The following ANP32D variants were observed in gnomAD, a reference collection of about 807,000 sequenced individuals.
ANP32D encodes acidic leucine-rich nuclear phosphoprotein 32 family member D.
In ANP32D, 6 loss-of-function variants were observed where a neutral mutation model predicts 7.8. The ratio of observed to expected loss-of-function variants is 0.77; its 90% CI spans 0.42 to 1.52. The LOEUF (loss-of-function observed/expected upper bound fraction) is 1.52. Ranked by LOEUF, ANP32D falls within the 40% of genes most tolerant of loss-of-function variation. ANP32D has a pLI of 0.01. For missense variants in ANP32D, 163 were observed against 145.9 expected (o/e 1.12, Z -0.60); for synonymous variants, 69 against 59.7 (o/e 1.16, Z -0.72).
Position 48,472,577 on chromosome 12 carries a change from G to C in ANP32D, c.-88G>C. The C allele has an allele frequency of 6.6e-7, 1 of 1,516,232 alleles. No homozygotes were observed. The highest frequency in any genetic ancestry group is 9.0e-7 in the Non-Finnish European group (1 of 1,113,062). 93.9% of individuals were successfully genotyped at this position (1,516,232 alleles called of 1,614,324 possible). A position where few individuals can be genotyped will look rare whatever the true frequency, so the allele number is the denominator to read the frequency against. ...ACTTTCGGAGAACCCAGCAGAGCTGGTTGAGCTTTCAAATGTGCGGTTGTG... is the reference window on the plus strand; with the variant it reads ...ACTTTCGGAGAACCCAGCAGAGCTGCTTGAGCTTTCAAATGTGCGGTTGTG... On this transcript the variant is annotated 5_prime_UTR_variant, in exon 1 of 1. Transcript: ENST00000266594.
At chr12:48,472,755 G>T in the ANP32D span, 2 of 1,614,164 alleles carry the variant, frequency 1.2e-6, no homozygotes, top group Non-Finnish European at 8.5e-7. Flanking sequence ...TCAGTCAAAT[G>T]AAGGCAAATT....
rs1954095067 is a variant in ANP32D, at chr12:48,473,126, G to A, written c.*66G>A. ...ACGGCTGTGACCCGGATGACAAGGA[G>A]GCCCCTAACTCGGATGGTGAGGGCT... On this transcript the variant is annotated 3_prime_UTR_variant, in exon 1 of 1. Transcript: ENST00000266594. 9 of 1,610,610 alleles carry A rather than the reference G, an allele frequency of 5.6e-6. No individual in the cohort carries two copies. In the Admixed American group the frequency reaches 1.5e-4, roughly 27 times the overall value.
rs750090213 is a variant in ANP32D, at chr12:48,472,771, G to C, written c.107G>C (p.Gly36Ala). 6.2e-7 allele frequency: 1 copy of C among 1,614,032 alleles called. No individual in the cohort carries two copies. The highest frequency in any genetic ancestry group is 8.5e-7 in the Non-Finnish European group (1 of 1,180,038). The stretch of plus-strand genomic sequence containing the variant: ...CAGTCAAATGAAGGCAAATTGGAAG[G>C]CCTCACAGATGAATTTGAAGAACTG... ...NSQSNEGKLEGLTDEFEELEL... is the reference protein window; with the variant it reads ...NSQSNEGKLEALTDEFEELEL... The change falls in exon 1 of 1, where the codon GGC becomes GCC. Residue 36 changes from glycine (G) to alanine (A), a missense_variant. Gly to Ala is a moderately conservative substitution (Grantham distance 60). Coordinates refer to ENST00000266594, the MANE Select transcript of ANP32D (RefSeq NM_012404.3).
At chr12:48,472,846 C>CA in the ANP32D span, 3 of 1,613,940 alleles carry the variant, frequency 1.9e-6, no homozygotes, top group South Asian at 3.3e-5. Context: ...GCAAACTTGC[C>CA]AAAGTTAAAC....
At position 48,473,066 on chromosome 12, in the gene ANP32D, G is replaced by T; in HGVS notation, c.*6G>T. The T allele has an allele frequency of 6.2e-7, 1 of 1,614,052 alleles. No individual in the cohort carries two copies. ...CCAACCTGAACAACTACTGAGAAAAGATGTTCAAGCTCCTCCTGCAACTCA... is the reference window on the plus strand; with the variant it reads ...CCAACCTGAACAACTACTGAGAAAATATGTTCAAGCTCCTCCTGCAACTCA... On this transcript the variant is annotated 3_prime_UTR_variant, in exon 1 of 1. Transcript: ENST00000266594.
rs772690730 is a variant in ANP32D, at chr12:48,472,927, C to T, written c.263C>T (p.Pro88Leu). Residue 88 changes from proline to leucine, a missense_variant, in exon 1 of 1, where the codon CCA becomes CTA. Physicochemically the swap from Pro to Leu is moderately conservative, Grantham distance 98 (BLOSUM62 -3). Coordinates refer to ENST00000266594, the MANE Select transcript of ANP32D (RefSeq NM_012404.3). ...CTAGAAGTATTGGCAGAAAAGTGTC[C>T]AAACCTCATACATCTAAATTTAAGT... is the stretch of plus-strand genomic sequence containing the variant. Reference protein sequence around the residue: ...VGLEVLAEKCPNLIHLNLSGN... With the variant: ...VGLEVLAEKCLNLIHLNLSGN... The T allele has an allele frequency of 6.2e-7, 1 of 1,614,008 alleles. No individual in the cohort carries two copies. The highest frequency in any genetic ancestry group is 1.3e-5 in the African/African-American group (1 of 74,888).
Position 48,473,175 on chromosome 12 carries a change from G to A in ANP32D, c.*115G>A, listed in dbSNP as rs943345874. On this transcript the variant is annotated 3_prime_UTR_variant, in exon 1 of 1. Coordinates refer to ENST00000266594, the MANE Select transcript of ANP32D (RefSeq NM_012404.3). ...CTTTGTGGAGTGCCTGGATGACAAG[G>A]AGGAGGATGAGGATGAGGAGGAGTA... 4.2e-6 allele frequency: 6 copies of A among 1,445,442 alleles called. No homozygotes were observed. Among genetic ancestry groups the A allele is most frequent in the Non-Finnish European group, 5.8e-6 (6 of 1,029,094 alleles). 89.5% of individuals were successfully genotyped at this position (1,445,442 alleles called of 1,614,324 possible).
In ANP32D at chr12:48,473,253, G is replaced by A; in HGVS notation, c.*193G>A. 1 of 1,093,618 alleles carries A rather than the reference G, an allele frequency of 9.1e-7. No individual in the cohort carries two copies. The highest frequency in any genetic ancestry group is 1.4e-6 in the Non-Finnish European group (1 of 723,204). The allele number at this position is 1,093,618 out of a possible 1,614,324, so 67.7% of individuals were successfully genotyped here. On this transcript the variant is annotated 3_prime_UTR_variant, in exon 1 of 1. Coordinates refer to ENST00000266594, the MANE Select transcript of ANP32D (RefSeq NM_012404.3). ...TGAGGAGGACGAGGATGAGGAGGAG[G>A]AACGTGAAGAGGAGGACGTGAGTGG...
Position 48,472,986 on chromosome 12 carries a change from C to A in ANP32D, c.322C>A (p.Pro108Thr), listed in dbSNP as rs1954092588. ...AATTAAAGACCTCAGCACAATAGAG[C>A]CCCTGAAAAAGTTAGAAAACCTCGA... ...NKIKDLSTIEPLKKLENLESL... is the reference protein window; with the variant it reads ...NKIKDLSTIETLKKLENLESL... Residue 108 changes from proline (P) to threonine (T), a missense_variant, in exon 1 of 1, where the codon CCC (proline) becomes ACC (threonine). Physicochemically the swap from Pro to Thr is conservative, Grantham distance 38. Transcript: ENST00000266594. 5 of 1,613,978 alleles carry A rather than the reference C, an allele frequency of 3.1e-6. No homozygotes were observed. The highest frequency in any genetic ancestry group is 2.2e-5 in the East Asian group (1 of 44,896).
At position 48,472,723 on chromosome 12, in the gene ANP32D, A is replaced by C; in HGVS notation, c.59A>C (p.Lys20Thr). ...CGGAACAGGACGCCCTCCGATGTGA[A>C]AGAACTTTTCCTGGACAACAGTCAG... ...ELRNRTPSDV[K>T]ELFLDNSQSN... Residue 20 changes from lysine (K) to threonine (T), a missense_variant, in exon 1 of 1, where the codon AAA becomes ACA. Lys to Thr is a moderately conservative substitution (Grantham distance 78). Transcript: ENST00000266594. 1 of 1,614,210 alleles carries C rather than the reference A, an allele frequency of 6.2e-7. No individual in the cohort carries two copies. Among genetic ancestry groups the C allele is most frequent in the Non-Finnish European group, 8.5e-7 (1 of 1,180,026 alleles).
In ANP32D at chr12:48,473,124, G is replaced by A; in HGVS notation, c.*64G>A. Reference sequence around the variant, plus strand: ...CAACGGCTGTGACCCGGATGACAAGGAGGCCCCTAACTCGGATGGTGAGGG... The same window carrying A: ...CAACGGCTGTGACCCGGATGACAAGAAGGCCCCTAACTCGGATGGTGAGGG... On this transcript the variant is annotated 3_prime_UTR_variant, in exon 1 of 1. Transcript: ENST00000266594. 3.1e-6 allele frequency: 5 copies of A among 1,611,568 alleles called. No homozygotes were observed. The highest frequency in any genetic ancestry group is 4.2e-6 in the Non-Finnish European group (5 of 1,178,260).
chr12:48,472,772 C>G lies in ANP32D; in HGVS notation c.108C>G (p.Gly36=), dbSNP rs149297885. 6.2e-7 allele frequency: 1 copy of G among 1,614,118 alleles called. No individual in the cohort carries two copies. The highest frequency in any genetic ancestry group is 1.1e-5 in the South Asian group (1 of 91,080). Residue 36 remains glycine (G), a synonymous_variant, in exon 1 of 1, where the codon GGC becomes GGG. Coordinates refer to ENST00000266594, the MANE Select transcript of ANP32D (RefSeq NM_012404.3). ...AGTCAAATGAAGGCAAATTGGAAGG[C>G]CTCACAGATGAATTTGAAGAACTGG... ...NSQSNEGKLE[G]LTDEFEELEL...
chr12:48,473,405 C>A lies in ANP32D; in HGVS notation c.*345C>A. ...AAGAAACTGAAGATGAGGGAGAAGA[C>A]GATGCCTAAGTGGAATAATCTATTT... On this transcript the variant is annotated 3_prime_UTR_variant, in exon 1 of 1. Transcript: ENST00000266594. 1 of 792,942 alleles carries A rather than the reference C, an allele frequency of 1.3e-6. No individual in the cohort carries two copies. The highest frequency in any genetic ancestry group is 2.1e-6 in the Non-Finnish European group (1 of 477,702). The allele number at this position is 792,942 out of a possible 1,614,324, so 49.1% of individuals were successfully genotyped here. A position where few individuals can be genotyped will look rare whatever the true frequency, so the allele number is the denominator to read the frequency against.
At position 48,472,639 on chromosome 12, in the gene ANP32D, G is replaced by C. The variant is rs374647516; in HGVS notation, c.-26G>C. The C allele has an allele frequency of 6.8e-6, 11 of 1,613,442 alleles. No individual in the cohort carries two copies. Among genetic ancestry groups the C allele is most frequent in the Non-Finnish European group, 9.3e-6 (11 of 1,179,740 alleles). ...TATTGGTTGAATTCCGCTGGCTCAG[G>C]AGCCTCTGCAGAGAAAGCGTGAGAG... On this transcript the variant is annotated 5_prime_UTR_variant, in exon 1 of 1. Coordinates refer to ENST00000266594, the MANE Select transcript of ANP32D (RefSeq NM_012404.3).
rs778935683 is a variant in ANP32D, at chr12:48,472,782, G to A, written c.118G>A (p.Glu40Lys). ...AGGCAAATTGGAAGGCCTCACAGAT[G>A]AATTTGAAGAACTGGAATTATTAAA... ...NEGKLEGLTD[E>K]FEELELLNTI... is the part of the protein sequence containing the mutation. Residue 40 changes from glutamate (E) to lysine (K), a missense_variant, in exon 1 of 1, where the codon GAA becomes AAA. Coordinates refer to ENST00000266594, the MANE Select transcript of ANP32D (RefSeq NM_012404.3). The A allele has an allele frequency of 2.5e-6, 4 of 1,614,064 alleles. No individual in the cohort carries two copies. The highest frequency in any genetic ancestry group is 3.4e-6 in the Non-Finnish European group (4 of 1,180,044).
At position 48,472,844 on chromosome 12, in the gene ANP32D, G is replaced by C; in HGVS notation, c.180G>C (p.Leu60Phe). ...INIGLTSIAN[L>F]PKLNKLKKLE... ...TAGGCCTCACCTCAATTGCAAACTTGCCAAAGTTAAACAAACTTAAGAAGC... is the reference window on the plus strand; with the variant it reads ...TAGGCCTCACCTCAATTGCAAACTTCCCAAAGTTAAACAAACTTAAGAAGC... Residue 60 changes from leucine to phenylalanine, a missense_variant, in exon 1 of 1, where the codon TTG becomes TTC. Transcript: ENST00000266594. The C allele has an allele frequency of 1.2e-6, 2 of 1,613,988 alleles. No individual in the cohort carries two copies. The highest frequency in any genetic ancestry group is 2.2e-5 in the East Asian group (1 of 44,892).
chr12:48,473,617 A>T lies in ANP32D; in HGVS notation c.*557A>T. The T allele has an allele frequency of 3.9e-6, 1 of 257,394 alleles. No homozygotes were observed. The highest frequency in any genetic ancestry group is 7.6e-6 in the Non-Finnish European group (1 of 131,116). 15.9% of individuals were successfully genotyped at this position (257,394 alleles called of 1,614,324 possible). On this transcript the variant is annotated 3_prime_UTR_variant, in exon 1 of 1. Transcript: ENST00000266594. The stretch of plus-strand genomic sequence containing the variant: ...GGAATAAAATACTATTTTTACTGCC[A>T]CTCTTTATTTTTTCCCCCTACTTTT...
rs778286922 is a variant in ANP32D at position 48,472,997 on chromosome 12, G to C, written c.333G>C (p.Lys111Asn). 1.2e-6 allele frequency: 2 copies of C among 1,614,120 alleles called. No homozygotes were observed. The highest frequency in any genetic ancestry group is 2.2e-5 in the East Asian group (1 of 44,888). Residue 111 changes from lysine to asparagine, a missense_variant, in exon 1 of 1, where the codon AAG (lysine) becomes AAC (asparagine). Physicochemically the swap from Lys to Asn is moderately conservative, Grantham distance 94 (BLOSUM62 0). Transcript: ENST00000266594. ...TCAGCACAATAGAGCCCCTGAAAAAGTTAGAAAACCTCGAGAGCTTAGACC... is the reference window on the plus strand; with the variant it reads ...TCAGCACAATAGAGCCCCTGAAAAACTTAGAAAACCTCGAGAGCTTAGACC... ...KDLSTIEPLK[K>N]LENLESLDLF...
Position 48,472,575 on chromosome 12 carries a change from T to C in ANP32D, c.-90T>C. Reference sequence around the variant, plus strand: ...TTACTTTCGGAGAACCCAGCAGAGCTGGTTGAGCTTTCAAATGTGCGGTTG... The same window carrying C: ...TTACTTTCGGAGAACCCAGCAGAGCCGGTTGAGCTTTCAAATGTGCGGTTG... On this transcript the variant is annotated 5_prime_UTR_variant, in exon 1 of 1. Transcript: ENST00000266594. 6.7e-7 allele frequency: 1 copy of C among 1,489,428 alleles called. No individual in the cohort carries two copies. The highest frequency in any genetic ancestry group is 9.2e-7 in the Non-Finnish European group (1 of 1,090,842). 92.3% of individuals were successfully genotyped at this position (1,489,428 alleles called of 1,614,324 possible).
Sources: gnomAD v4.1 joint callset for allele counts on GRCh38, gnomAD v4.1.1 for gene constraint, MANE v1.5 for transcripts, NCBI Gene and HGNC (gene_info 2026-07-23, HGNC 2026-07-21) for gene names.